Variants in DNAH5 observed in about 807,000 individuals in gnomAD.
DNAH5 encodes the protein axonemal beta dynein heavy chain 5.
DNAH5 carries 372 observed loss-of-function variants against 518.2 expected under a neutral mutation model. The ratio of observed to expected loss-of-function variants is 0.72; its 90% CI spans 0.66 to 0.78. The LOEUF (loss-of-function observed/expected upper bound fraction) is 0.78, where lower values mean the gene tolerates loss of function less well. Ranked by LOEUF, DNAH5 falls within the 30% of genes least tolerant of loss-of-function variation. DNAH5 has a pLI of 0.00. For missense variants in DNAH5, 5,523 were observed against 5,687.0 expected (o/e 0.97, Z 0.93); for synonymous variants, 2,039 against 2,025.9 (o/e 1.01, Z -0.17).
chr5:13,901,100 T>C, intron 14 of DNAH5, 152 bp downstream of exon 14: 2 of 736,338 alleles, frequency 2.7e-6, no homozygotes, highest in South Asian at 1.8e-5. Context: ...TTTTTCTTTG[T>C]GGACATATTA....
intron 1 of DNAH5, among the ~76,000 whole-genome samples, chr5:13,978,183 C>T (rs1184162623): frequency 6.6e-6 from 1 of 152,222 alleles, no homozygotes; most frequent in African/African-American, 2.4e-5. Flanking sequence ...CACCAGAGCC[C>T]AGCACCCTTC....
At chr5:13,878,650 C>A (rs1771229964) in intron 21 of DNAH5, among the ~76,000 whole-genome samples, 1 of 152,188 alleles carries the variant, frequency 6.6e-6, no homozygotes, top group Non-Finnish European at 1.5e-5. Flanking sequence ...ACCCAAAGGA[C>A]TGTCTCTTTA....
intron 65 of DNAH5, among the ~76,000 whole-genome samples, chr5:13,740,075 T>C (rs1441237090): frequency 2.0e-5 from 3 of 152,120 alleles, no homozygotes; most frequent in Non-Finnish European, 4.4e-5. Flanking sequence ...TTCTTCTAGA[T>C]GCTCTGGCCA....
intron 29 of DNAH5, among the ~76,000 whole-genome samples, chr5:13,861,498 T>A (rs6554826): frequency 0.39 from 59,933 of 152,006 alleles, 11,964 homozygotes; most frequent in South Asian, 0.47. Context: ...TGGTATCCAC[T>A]TTCTGCACAA....
chr5:13,767,219 G>C (rs1752622425), intron 58 of DNAH5, among the ~76,000 whole-genome samples: 1 of 152,146 alleles, frequency 6.6e-6, no homozygotes, highest in Non-Finnish European at 1.5e-5. Flanking sequence ...CCCCCTCCCA[G>C]GTTCAAGTGA....
rs780655764 is a variant in DNAH5, at chr5:13,735,910, G to A, written c.11478C>T (p.Leu3826=). 1 of 1,614,116 alleles carries A rather than the reference G, an allele frequency of 6.2e-7. No homozygotes were observed. The highest frequency in any genetic ancestry group is 8.5e-7 in the Non-Finnish European group (1 of 1,179,986). ...AGCGCATCTCAGTAATGAGGAAGTA[G>A]AGGATGCTGCCCCGCGTAGCCACTG... is the stretch of plus-strand genomic sequence containing the variant. ...YRPVATRGSI[L]YFLITEMRLV... is the part of the protein sequence containing the mutation. Residue 3826 remains leucine, a synonymous_variant, in exon 67 of 79, where the codon CTC becomes CTT. Coordinates refer to ENST00000265104, the MANE Select transcript of DNAH5 (RefSeq NM_001369.3).
Position 13,752,151 on chromosome 5 carries a change from T to C in DNAH5, c.11011A>G (p.Thr3671Ala), listed in dbSNP as rs1451215401. The C allele has an allele frequency of 6.2e-7, 1 of 1,613,814 alleles. No individual in the cohort carries two copies. Among genetic ancestry groups the C allele is most frequent in the Non-Finnish European group, 8.5e-7 (1 of 1,179,924 alleles). ...DNVLERNFIK[T>A]GSTFKVKVGD... ...TAACCTACCTTAAAGGTAGACCCAG[T>C]TTTAATGAAGTTTCTTTCCAAAACA... is the stretch of plus-strand genomic sequence containing the variant. Residue 3671 changes from threonine to alanine, a missense_variant, in exon 64 of 79, where the codon ACT becomes GCT. Coordinates refer to ENST00000265104, the MANE Select transcript of DNAH5 (RefSeq NM_001369.3).
intron 26 of DNAH5, 101 bp from the exon 27 acceptor site, chr5:13,866,007 A>G: frequency 1.1e-6 from 1 of 942,730 alleles, no homozygotes; most frequent in South Asian, 1.4e-5. Context: ...GAGATGTATG[A>G]TCTCTGGGCA....
chr5:13,854,939 T>C (rs1767406056), intron 30 of DNAH5, among the ~76,000 whole-genome samples: 1 of 152,166 alleles, frequency 6.6e-6, no homozygotes, highest in African/African-American at 2.4e-5. Context: ...TTTTAACATG[T>C]TAAAGAAATG....
At chr5:13,855,089 C>T (rs577325446) in intron 30 of DNAH5, among the ~76,000 whole-genome samples, 6 of 152,060 alleles carry the variant, frequency 3.9e-5, no homozygotes, top group African/African-American at 1.4e-4. Flanking sequence ...ATAAAAAATG[C>T]TTCTCTCTCA....
At chr5:13,979,554 G>A (rs1371242498) in intron 1 of DNAH5, among the ~76,000 whole-genome samples, 1 of 152,016 alleles carries the variant, frequency 6.6e-6, no homozygotes, top group African/African-American at 2.4e-5. Flanking sequence ...ACCACCACCA[G>A]CCCCAGCAGC....
chr5:13,981,413 T>C (rs1782665521), intron 1 of DNAH5, among the ~76,000 whole-genome samples: 1 of 152,214 alleles, frequency 6.6e-6, no homozygotes, highest in African/African-American at 2.4e-5. Context: ...AAGGAGTGGA[T>C]GGAGCTGAAT....
At position 13,770,942 on chromosome 5, in the gene DNAH5, T is replaced by C; in HGVS notation, c.9412A>G (p.Ser3138Gly). The C allele has an allele frequency of 3.7e-6, 6 of 1,614,044 alleles. No homozygotes were observed. The highest frequency in any genetic ancestry group is 4.2e-6 in the Non-Finnish European group (5 of 1,179,976). ...ACCACCTCCTTCTTGATTTCCAAAC[T>C]GCAGTCAATATCATAGGAAGTGAGG... The part of the protein sequence containing the change: ...HFLTSYDIDC[S>G]LEIKKEVVQC... The change falls in exon 56 of 79, where the codon AGT (serine) becomes GGT (glycine). Residue 3138 changes from serine to glycine, a missense_variant. Physicochemically the swap from Ser to Gly is moderately conservative, Grantham distance 56. Coordinates refer to ENST00000265104, the MANE Select transcript of DNAH5 (RefSeq NM_001369.3).
At chr5:13,845,529 G>A (rs1765863597) in intron 31 of DNAH5, among the ~76,000 whole-genome samples, 3 of 152,090 alleles carry the variant, frequency 2.0e-5, no homozygotes, top group Admixed American at 1.3e-4. Context: ...TGTGGCACTC[G>A]TCTCTGCTTC....
At chr5:13,708,430 T>A in intron 75 of DNAH5, 95 bp from the exon 76 acceptor site, 1 of 1,065,994 alleles carries the variant, frequency 9.4e-7, no homozygotes, top group Non-Finnish European at 1.4e-6. Context: ...CCCAAATTCT[T>A]ACTATTCCAT....
Position 13,769,006 on chromosome 5 carries a change from A to G in DNAH5, c.9851T>C (p.Leu3284Pro), listed in dbSNP as rs560419455. The G allele has an allele frequency of 1.2e-6, 2 of 1,614,188 alleles. No individual in the cohort carries two copies. The highest frequency in any genetic ancestry group is 2.7e-5 in the African/African-American group (2 of 75,060). The change falls in exon 58 of 79, where the codon CTG (leucine) becomes CCG (proline). Residue 3284 changes from leucine to proline, a missense_variant. This residue lies in a region of DNAH5 where 5,121 missense variants were observed against 5,223.3 expected (regional missense o/e 0.98). Coordinates refer to ENST00000265104, the MANE Select transcript of DNAH5 (RefSeq NM_001369.3). ...SKDKAIAEEK[L>P]EAAKPALEEA... is the part of the protein sequence containing the mutation. ...TTCTAAAGCTGGTTTTGCTGCTTCCAGTTTTTCTTCAGCAATGGCTTTGTC... is the reference window on the plus strand; with the variant it reads ...TTCTAAAGCTGGTTTTGCTGCTTCCGGTTTTTCTTCAGCAATGGCTTTGTC...
chr5:14,000,681 G>C (rs539781018), intron 1 of DNAH5, among the ~76,000 whole-genome samples: 26 of 151,970 alleles, frequency 1.7e-4, no homozygotes, highest in South Asian at 1.5e-3. Context: ...AAAAGGGAAT[G>C]CTTATTAGAA....
Position 13,885,069 on chromosome 5 carries a change from T to A in DNAH5, c.2903A>T (p.Asp968Val). 6.2e-7 allele frequency: 1 copy of A among 1,614,214 alleles called. No individual in the cohort carries two copies. Among genetic ancestry groups the A allele is most frequent in the Non-Finnish European group, 8.5e-7 (1 of 1,180,022 alleles). The stretch of plus-strand genomic sequence containing the variant: ...ATTCCTTGTAACTTTCAGAAGAGCA[T>A]CCATGTTCTGATGGTTGAAATGAGA... ...LLSHFNHQNM[D>V]ALLKVTRNTL... The change falls in exon 19 of 79, where the codon GAT (aspartate) becomes GTT (valine). Residue 968 changes from aspartate (D) to valine (V), a missense_variant. Asp to Val is a radical substitution (Grantham distance 152). This residue lies in a region of DNAH5 where 5,121 missense variants were observed against 5,223.3 expected (regional missense o/e 0.98). Coordinates refer to ENST00000265104, the MANE Select transcript of DNAH5 (RefSeq NM_001369.3).
intron 65 of DNAH5, among the ~76,000 whole-genome samples, chr5:13,740,232 T>C (rs1417174893): frequency 6.6e-6 from 1 of 152,118 alleles, no homozygotes; most frequent in Non-Finnish European, 1.5e-5. Flanking sequence ...GTTTAAACTA[T>C]CATTGTCACC....
Sources: gnomAD v4.1 joint callset for allele counts (sites outside exome capture counted in the v4.1 genomes callset) on GRCh38, gnomAD v4.1.1 for gene constraint, gnomAD v4.1.1 regional missense constraint, MANE v1.5 for transcripts, NCBI Gene and HGNC (gene_info 2026-07-23, HGNC 2026-07-21) for gene names.